CISD1: variants seen among roughly 807,000 people sequenced by gnomAD.
CISD1 encodes CDGSH iron sulfur domain 1.
In CISD1, 8 loss-of-function variants were observed where a neutral mutation model predicts 12.0. The observed-to-expected ratio is 0.67, with a 90% CI of 0.39 to 1.20. The LOEUF is 1.20. Among genes scored for constraint, CISD1 ranks in the 50% most tolerant of loss-of-function variants. The probability of loss-of-function intolerance (pLI) is 0.01; values close to 1 mark genes in which losing one functional copy is unlikely to be tolerated. For synonymous variants in CISD1, 38 were observed against 42.2 expected (o/e 0.90, Z 0.39); for missense variants, 107 against 132.7 (o/e 0.81, Z 0.95).
chr10:58,285,165 C>T (rs1468231087), intron 2 of CISD1, among the ~76,000 whole-genome samples: 1 of 152,092 alleles, frequency 6.6e-6, no homozygotes, highest in Non-Finnish European at 1.5e-5. Context: ...ATAATATAAA[C>T]TTTACATATA....
At chr10:58,280,885 A>ATTTTGGTGTCATTTCAACGGAGTAAT (rs1271810294) in intron 2 of CISD1, among the ~76,000 whole-genome samples, 4 of 152,170 alleles carry the variant, frequency 2.6e-5, no homozygotes, top group African/African-American at 7.2e-5. Flanking sequence ...AGCAATTGCC[A>ATTTTGGTGTCATTTCAACGGAGTAAT]TTTTGGTGTC....
chr10:58,287,847 A>AG lies in CISD1; in HGVS notation c.*197_*198insG. ...TTTGTTTAAACAAAAAAAAAAAAAA[A>AG]AAGGAAAAACCAACCTGCATGGCCT... On this transcript the variant is annotated 3_prime_UTR_variant, in exon 3 of 3. Coordinates refer to ENST00000333926, the MANE Select transcript of CISD1 (RefSeq NM_018464.5). 4.3e-6 allele frequency: 1 copy of AG among 234,676 alleles called. No individual in the cohort carries two copies. The highest frequency in any genetic ancestry group is 1.2e-4 in the South Asian group (1 of 8,638). The allele number at this position is 234,676 out of a possible 1,614,324, so 14.5% of individuals were successfully genotyped here. A position where few individuals can be genotyped will look rare whatever the true frequency, so the allele number is the denominator to read the frequency against.
At chr10:58,274,144 AAAAAG>A (rs759917658) in intron 1 of CISD1, among the ~76,000 whole-genome samples, 1 of 152,212 alleles carries the variant, frequency 6.6e-6, no homozygotes, top group Non-Finnish European at 1.5e-5. Flanking sequence ...AAAAAAAAGA[AAAAAG>A]AAAAAAGAAT....
chr10:58,276,672 TTAAA>T (rs1839318191), intron 1 of CISD1, among the ~76,000 whole-genome samples: 2 of 151,594 alleles, frequency 1.3e-5, no homozygotes, highest in African/African-American at 4.8e-5. Flanking sequence ...ATCTTACTAT[TTAAA>T]TAAACTCAAA....
intron 1 of CISD1, among the ~76,000 whole-genome samples, chr10:58,269,592 C>T (rs113669353): frequency 6.6e-6 from 1 of 152,178 alleles, no homozygotes; most frequent in African/African-American, 2.4e-5. Context: ...TTCTTGTTCA[C>T]CCCTAAGACG....
At chr10:58,278,106 G>A (rs1839335686) in intron 2 of CISD1, among the ~76,000 whole-genome samples, 1 of 152,112 alleles carries the variant, frequency 6.6e-6, no homozygotes, top group South Asian at 2.1e-4. Flanking sequence ...TAGACATGAT[G>A]GCAGCTAGTG....
intron 2 of CISD1, among the ~76,000 whole-genome samples, chr10:58,278,365 G>T (rs574680118): frequency 2.0e-5 from 3 of 151,502 alleles, no homozygotes; most frequent in African/African-American, 7.3e-5. Flanking sequence ...GAGACCATCT[G>T]TTGAAAAAAA....
intron 2 of CISD1, chr10:58,282,965 A>C (rs910993367): frequency 2.0e-5 from 3 of 152,198 alleles, no homozygotes; most frequent in African/African-American, 7.2e-5. Flanking sequence ...AGGACAGCAA[A>C]AGAATACAGA....
rs771913951 is a variant in CISD1 at position 58,288,845 on chromosome 10, ACAT to A, written c.*1202_*1204del. 2 of 152,270 alleles carry A rather than the reference ACAT, an allele frequency of 1.3e-5. No homozygotes were observed. The highest frequency in any genetic ancestry group is 2.4e-5 in the African/African-American group (1 of 41,442). 9.4% of individuals were successfully genotyped at this position (152,270 alleles called of 1,614,324 possible). A position where few individuals can be genotyped will look rare whatever the true frequency, so the allele number is the denominator to read the frequency against. On this transcript the variant is annotated 3_prime_UTR_variant, in exon 3 of 3. Transcript: ENST00000333926. ...CAATTGAAATTGATAAAGCAGGTAA[ACAT>A]CATCATTTATTTTAGTATACATGAA...
chr10:58,269,590 C>G (rs539562828), intron 1 of CISD1, among the ~76,000 whole-genome samples: 1 of 152,192 alleles, frequency 6.6e-6, no homozygotes, highest in Admixed American at 6.5e-5. Flanking sequence ...TTTTCTTGTT[C>G]ACCCCTAAGA....
At chr10:58,281,938 A>T (rs1384899218) in intron 2 of CISD1, among the ~76,000 whole-genome samples, 1 of 150,156 alleles carries the variant, frequency 6.7e-6, no homozygotes, top group Non-Finnish European at 1.5e-5. Flanking sequence ...ATGTCATCTG[A>T]TGTTTCAGAA....
rs576430245 is a variant in CISD1, at chr10:58,283,188, A to T, written c.238-4373A>T. 4.6e-5 allele frequency: 7 copies of T among 152,126 alleles called. No individual in the cohort carries two copies. The East Asian group carries it at 1.4e-3, about 29-fold the overall frequency. The allele number at this position is 152,126 out of a possible 1,614,324, so 9.4% of individuals were successfully genotyped here. ...GTTGGGGGAAAAAGAGAAATCCTCC[A>T]TCCTGTTAATGGCTTAGAAGTGCAT... is the stretch of plus-strand genomic sequence containing the variant. On this transcript the variant is annotated intron_variant, in intron 2 of 2. Coordinates refer to ENST00000333926, the MANE Select transcript of CISD1 (RefSeq NM_018464.5).
At chr10:58,278,263 C>A (rs914424241) in intron 2 of CISD1, among the ~76,000 whole-genome samples, 3 of 152,060 alleles carry the variant, frequency 2.0e-5, no homozygotes, top group African/African-American at 7.2e-5. Context: ...TTCAGCAGGG[C>A]GTGGTGTCTC....
intron 1 of CISD1, among the ~76,000 whole-genome samples, chr10:58,270,942 C>A (rs1839239410): frequency 7.7e-6 from 1 of 129,774 alleles, no homozygotes; most frequent in African/African-American, 3.8e-5. Context: ...TAGCTCACTG[C>A]AACCTTGAAC....
rs1588983952 is a variant in CISD1, at chr10:58,288,080, C to T, written c.*430C>T. ...AACTAAATAGGATGTGATTCAGCTA[C>T]ATTAATTTCTTAATACAATCTAGGA... is the stretch of plus-strand genomic sequence containing the variant. On this transcript the variant is annotated 3_prime_UTR_variant, in exon 3 of 3. Coordinates refer to ENST00000333926, the MANE Select transcript of CISD1 (RefSeq NM_018464.5). The T allele has an allele frequency of 6.5e-6, 1 of 152,990 alleles. No homozygotes were observed. The highest frequency in any genetic ancestry group is 1.5e-5 in the Non-Finnish European group (1 of 68,554). 9.5% of individuals were successfully genotyped at this position (152,990 alleles called of 1,614,324 possible).
At chr10:58,282,480 T>C (rs112599010) in intron 2 of CISD1, among the ~76,000 whole-genome samples, 2,390 of 152,312 alleles carry the variant, frequency 0.016, 62 homozygotes, top group African/African-American at 0.055. Context: ...ATGTAAATAG[T>C]TGTTATACTG....
At chr10:58,287,486 C>T in intron 2 of CISD1, 75 bp from the exon 3 acceptor site, 2 of 986,076 alleles carry the variant, frequency 2.0e-6, no homozygotes, top group South Asian at 1.7e-5. Context: ...ATGAATTAAG[C>T]ATCACCTTCC....
chr10:58,273,117 A>G (rs1839268355), intron 1 of CISD1, among the ~76,000 whole-genome samples: 1 of 152,150 alleles, frequency 6.6e-6, no homozygotes, highest in South Asian at 2.1e-4. Context: ...TGTTTTTAAT[A>G]TATGTATCAG....
intron 1 of CISD1, 83 bp downstream of exon 1, chr10:58,269,387 T>C: frequency 7.9e-7 from 1 of 1,265,760 alleles, no homozygotes; most frequent in East Asian, 2.3e-5. Context: ...GTTTTACCAC[T>C]GCCCTACGCG....
Sources: gnomAD v4.1 joint callset for allele counts (sites outside exome capture counted in the v4.1 genomes callset) on GRCh38, gnomAD v4.1.1 for gene constraint, MANE v1.5 for transcripts, NCBI Gene and HGNC (gene_info 2026-07-23, HGNC 2026-07-21) for gene names.